Variants in TBC1D15 observed in about 807,000 individuals in gnomAD.
TBC1D15 encodes GAP for RAB7.
Under a neutral mutation model 95.4 loss-of-function variants are expected in TBC1D15, and 39 were observed. The observed-to-expected ratio is 0.41, with a 90% CI of 0.32 to 0.53. TBC1D15 has a LOEUF of 0.53. Among genes scored for constraint, TBC1D15 ranks in the 20% least tolerant of loss-of-function variants. The pLI, the probability that TBC1D15 is intolerant of heterozygous loss-of-function variation, is 0.29. For synonymous variants in TBC1D15, 258 were observed against 261.3 expected (o/e 0.99, Z 0.12); for missense variants, 733 against 794.3 (o/e 0.92, Z 0.93).
At chr12:71,862,371 A>G (rs1044125048) in intron 1 of TBC1D15, among the ~76,000 whole-genome samples, 3 of 152,140 alleles carry the variant, frequency 2.0e-5, no homozygotes, top group African/African-American at 7.2e-5. Flanking sequence ...TGTTGAGTGC[A>G]TATATATTTA....
intron 1 of TBC1D15, among the ~76,000 whole-genome samples, chr12:71,859,876 G>T (rs995862885): frequency 6.6e-6 from 1 of 152,174 alleles, no homozygotes; most frequent in African/African-American, 2.4e-5. Context: ...CTCCCAAAGT[G>T]CTAGGATTAC....
At position 71,839,790 on chromosome 12, in the gene TBC1D15, G is replaced by C; in HGVS notation, c.9G>C (p.Ala3=). The change falls in exon 1 of 17, where the codon GCG becomes GCC. Residue 3 remains alanine (A), a synonymous_variant. Coordinates refer to ENST00000485960, the MANE Select transcript of TBC1D15 (RefSeq NM_001146213.3). ...AGGCACGCGCAGGAAACATGGCGGC[G>C]GCGGGTGTTGTGAGCGGGAAGGTAG... is the stretch of plus-strand genomic sequence containing the variant. MA[A]AGVVSGKIIY... is the part of the protein sequence containing the mutation. 1.2e-6 allele frequency: 2 copies of C among 1,614,186 alleles called. No individual in the cohort carries two copies. Among genetic ancestry groups the C allele is most frequent in the South Asian group, 1.1e-5 (1 of 91,088 alleles).
chr12:71,877,279 G>T, intron 3 of TBC1D15, among the ~76,000 whole-genome samples: 1 of 147,662 alleles, frequency 6.8e-6, no homozygotes, highest in African/African-American at 2.5e-5. Context: ...TTTATGTTCT[G>T]GTTATGTGCC....
intron 1 of TBC1D15, among the ~76,000 whole-genome samples, chr12:71,844,713 G>T (rs1418194655): frequency 2.0e-5 from 3 of 152,190 alleles, no homozygotes; most frequent in Non-Finnish European, 4.4e-5. Flanking sequence ...AGCTTGCTCT[G>T]TACCTGGCAC....
At chr12:71,882,973 A>C (rs982506642) in intron 4 of TBC1D15, among the ~76,000 whole-genome samples, 2 of 152,154 alleles carry the variant, frequency 1.3e-5, no homozygotes, top group African/African-American at 4.8e-5. Context: ...TTTACTCTTG[A>C]ATATGCATAA....
intron 1 of TBC1D15, chr12:71,850,452 G>C (rs545471224): frequency 4.5e-6 from 1 of 220,166 alleles, no homozygotes; most frequent in Non-Finnish European, 9.0e-6. Context: ...TTGTTCTGTC[G>C]CCCAGGCTGA....
intron 5 of TBC1D15, among the ~76,000 whole-genome samples, chr12:71,886,600 A>C (rs1054611305): frequency 2.6e-5 from 4 of 152,194 alleles, no homozygotes; most frequent in African/African-American, 9.6e-5. Flanking sequence ...AAGATTCTCG[A>C]CTGTGTATTT....
Position 71,923,798 on chromosome 12 carries a change from A to G in TBC1D15, c.*594A>G, listed in dbSNP as rs1870287876. The G allele has an allele frequency of 6.6e-6, 1 of 152,550 alleles. No homozygotes were observed. 9.4% of individuals were successfully genotyped at this position (152,550 alleles called of 1,614,324 possible). Reference sequence around the variant, plus strand: ...ATTGGCAGTATATTTTTTACATTGAACTTTTCTTCACTTGTATATAAAGAT... The same window carrying G: ...ATTGGCAGTATATTTTTTACATTGAGCTTTTCTTCACTTGTATATAAAGAT... On this transcript the variant is annotated 3_prime_UTR_variant, in exon 17 of 17. Coordinates refer to ENST00000485960, the MANE Select transcript of TBC1D15 (RefSeq NM_001146213.3).
intron 1 of TBC1D15, among the ~76,000 whole-genome samples, chr12:71,847,561 G>T (rs1886625273): frequency 6.6e-6 from 1 of 151,848 alleles, no homozygotes. Context: ...TGGGTGTGGT[G>T]GTATGTGCCT....
chr12:71,897,764 C>A, intron 9 of TBC1D15, 83 bp from the exon 10 acceptor site: 1 of 956,436 alleles, frequency 1.0e-6, no homozygotes, highest in Non-Finnish European at 1.6e-6. Context: ...CTTTGATATA[C>A]TGTTTATAGA....
In TBC1D15 at chr12:71,890,658, A is replaced by G. The variant is rs138560176; in HGVS notation, c.555-2564A>G. ...ACAAGCGCCAGGAAGAGGCTCTGCT[A>G]GGCTAGTCATGTGTAGTTCCTTCTT... On this transcript the variant is annotated intron_variant, in intron 5 of 16. Transcript: ENST00000485960. Among the ~76,000 whole-genome samples the G allele has an allele frequency of 5.6e-3, 860 of 152,302 alleles. 10 individuals are homozygous for G. The highest frequency in any genetic ancestry group is 0.048 in the South Asian group (234 of 4,826).
At chr12:71,859,643 T>C (rs968992545) in intron 1 of TBC1D15, among the ~76,000 whole-genome samples, 1 of 152,050 alleles carries the variant, frequency 6.6e-6, no homozygotes, top group African/African-American at 2.4e-5. Flanking sequence ...AGTCTCACTA[T>C]GTTGCCCGGG....
chr12:71,922,990 C>T lies in TBC1D15; in HGVS notation c.1811C>T (p.Pro604Leu). ...TTGATTTTTCATATCCAGGAATTGC[C>T]ACAAGCAGTCTGTGAGATCCTTGGG... ...SLQMVKCKEL[P>L]QAVCEILGLQ... Residue 604 changes from proline to leucine, a missense_variant, in exon 17 of 17, where the codon CCA becomes CTA. Pro to Leu is a moderately conservative substitution (Grantham distance 98). Transcript: ENST00000485960. The T allele has an allele frequency of 6.2e-7, 1 of 1,614,086 alleles. No individual in the cohort carries two copies. Among genetic ancestry groups the T allele is most frequent in the Non-Finnish European group, 8.5e-7 (1 of 1,179,972 alleles).
intron 8 of TBC1D15, 91 bp downstream of exon 8, chr12:71,896,166 T>C: frequency 7.6e-7 from 1 of 1,319,000 alleles, no homozygotes; most frequent in Non-Finnish European, 1.0e-6. Context: ...GTGTTTTTTT[T>C]TGTTGTTGGT....
intron 6 of TBC1D15, 53 bp downstream of exon 6, chr12:71,893,377 C>G: frequency 1.6e-6 from 2 of 1,289,072 alleles, no homozygotes; most frequent in Non-Finnish European, 2.2e-6. Context: ...TTTTATATAC[C>G]CTGTACTTCT....
At chr12:71,863,948 TA>T (rs146569391) in intron 1 of TBC1D15, among the ~76,000 whole-genome samples, 2,243 of 152,230 alleles carry the variant, frequency 0.015, 56 homozygotes, top group African/African-American at 0.051. Context: ...GAATTATCTG[TA>T]TTTTTTTTGT....
At chr12:71,857,913 A>G (rs1006247033) in intron 1 of TBC1D15, among the ~76,000 whole-genome samples, 3 of 152,156 alleles carry the variant, frequency 2.0e-5, no homozygotes, top group Non-Finnish European at 4.4e-5. Flanking sequence ...CAACTGTTTT[A>G]GCTTCCACGT....
intron 1 of TBC1D15, among the ~76,000 whole-genome samples, chr12:71,868,247 T>C (rs1272725477): frequency 1.3e-5 from 2 of 150,484 alleles, no homozygotes; most frequent in African/African-American, 4.9e-5. Flanking sequence ...TGACTTTTTT[T>C]TTTTTTTTTT....
intron 4 of TBC1D15, 65 bp from the exon 5 acceptor site, chr12:71,884,746 G>A: frequency 2.7e-6 from 4 of 1,483,224 alleles, no homozygotes; most frequent in Non-Finnish European, 3.7e-6. Context: ...CAGTCATGGA[G>A]AGCACTGTCA....
Sources: gnomAD v4.1 joint callset for allele counts (sites outside exome capture counted in the v4.1 genomes callset) on GRCh38, gnomAD v4.1.1 for gene constraint, MANE v1.5 for transcripts, NCBI Gene and HGNC (gene_info 2026-07-23, HGNC 2026-07-21) for gene names.